Variants in ZDHHC15 observed in about 807,000 individuals in gnomAD.
The protein encoded by ZDHHC15 is zDHHC palmitoyltransferase 15, also known as palmitoyltransferase ZDHHC15.
A neutral mutation model predicts 31.7 loss-of-function variants in ZDHHC15; 19 were observed. The ratio of observed to expected loss-of-function variants is 0.60; its 90% CI spans 0.42 to 0.88. The LOEUF (loss-of-function observed/expected upper bound fraction) is 0.88, where lower values mean the gene tolerates loss of function less well. Among genes scored for constraint, ZDHHC15 ranks in the 40% least tolerant of loss-of-function variants. The pLI is 0.00. For missense variants in ZDHHC15, 209 were observed against 251.2 expected (o/e 0.83, Z 1.14); for synonymous variants, 103 against 90.0 (o/e 1.14, Z -0.82).
intron 4 of ZDHHC15, among the ~76,000 whole-genome samples, chrX:75,442,169 A>G (rs762644203): frequency 2.4e-4 from 27 of 112,146 alleles, no homozygotes; most frequent in Non-Finnish European, 4.9e-4. Context: ...TTGAATCAGT[A>G]GACTGAGTAA....
At chrX:75,496,227 C>G (rs977877866) in intron 2 of ZDHHC15, among the ~76,000 whole-genome samples, 1 of 111,089 alleles carries the variant, frequency 9.0e-6, no homozygotes, top group African/African-American at 3.3e-5. Flanking sequence ...ACAAAACAGA[C>G]TTTAAAGGAA....
At chrX:75,490,801 T>C (rs1261849496) in intron 2 of ZDHHC15, among the ~76,000 whole-genome samples, 1 of 111,889 alleles carries the variant, frequency 8.9e-6, no homozygotes, top group African/African-American at 3.3e-5. Context: ...TTGTCTGTTA[T>C]TGGTGTATAA....
chrX:75,387,565 G>C (rs1239126599), intron 10 of ZDHHC15, among the ~76,000 whole-genome samples: 2 of 111,416 alleles, frequency 1.8e-5, no homozygotes, highest in Non-Finnish European at 3.8e-5. Flanking sequence ...ACAAAATGGA[G>C]CTGAAGAAAG....
chrX:75,376,799 G>A (rs2083064332), intron 11 of ZDHHC15, among the ~76,000 whole-genome samples: 1 of 111,623 alleles, frequency 9.0e-6, no homozygotes, highest in African/African-American at 3.3e-5. Context: ...TATTTTTCAA[G>A]TTTGTCTTTT....
intron 10 of ZDHHC15, among the ~76,000 whole-genome samples, chrX:75,399,215 C>T (rs1407657188): frequency 1.8e-5 from 2 of 111,389 alleles, no homozygotes; most frequent in Non-Finnish European, 3.8e-5. Context: ...CAGCCACCCC[C>T]CACCAGAGCT....
At chrX:75,513,030 C>A (rs1338216855) in intron 1 of ZDHHC15, among the ~76,000 whole-genome samples, 2 of 101,374 alleles carry the variant, frequency 2.0e-5, no homozygotes, top group Non-Finnish European at 4.0e-5. Flanking sequence ...GAAAAACAAG[C>A]AATGGGGAAA....
chrX:75,399,789 G>A (rs1036714391), intron 10 of ZDHHC15, among the ~76,000 whole-genome samples: 2 of 111,162 alleles, frequency 1.8e-5, no homozygotes, highest in Admixed American at 1.9e-4. Flanking sequence ...ACACAACTGA[G>A]CAAGAGTCTA....
rs1488475819 is a variant in ZDHHC15 at position 75,383,695 on chromosome X, A to G, written c.968-4497T>C. Among the ~76,000 whole-genome samples, 3 of 90,555 alleles carry G rather than the reference A, an allele frequency of 3.3e-5. No homozygotes were observed. In the Admixed American group the frequency reaches 3.7e-4, roughly 11 times the overall value. 78.6% of individuals were successfully genotyped at this position (90,555 alleles called of 115,157 possible). A position where few individuals can be genotyped will look rare whatever the true frequency, so the allele number is the denominator to read the frequency against. ...TTGTTAGGCAGCTTTCCACGTATGTATTTTATCACCCCCACTACCCCAAAT... is the reference window on the plus strand; with the variant it reads ...TTGTTAGGCAGCTTTCCACGTATGTGTTTTATCACCCCCACTACCCCAAAT... On this transcript the variant is annotated intron_variant, in intron 10 of 11. Transcript: ENST00000373367.
chrX:75,499,281 C>T (rs1258658805), intron 2 of ZDHHC15, among the ~76,000 whole-genome samples: 5 of 111,284 alleles, frequency 4.5e-5, no homozygotes, highest in Non-Finnish European at 7.6e-5. Flanking sequence ...ATAAATAGAT[C>T]GGACTTAAAC....
chrX:75,415,895 T>C (rs765413830), intron 10 of ZDHHC15, among the ~76,000 whole-genome samples: 20 of 112,303 alleles, frequency 1.8e-4, no homozygotes, highest in Non-Finnish European at 3.2e-4. Flanking sequence ...CATTGTGAAT[T>C]ATTTCAAACC....
chrX:75,459,146 T>A (rs2084273235), intron 3 of ZDHHC15, among the ~76,000 whole-genome samples: 1 of 110,002 alleles, frequency 9.1e-6, no homozygotes. Context: ...TTGGGTCCGA[T>A]ACACAAAGCT....
At chrX:75,474,653 G>C (rs1350756657) in intron 3 of ZDHHC15, among the ~76,000 whole-genome samples, 4 of 59,440 alleles carry the variant, frequency 6.7e-5, no homozygotes, top group Non-Finnish European at 1.5e-4. Context: ...AAATATTCCT[G>C]ATCATTGAGG....
At chrX:75,425,437 G>T (rs2083701598) in intron 7 of ZDHHC15, among the ~76,000 whole-genome samples, 1 of 111,902 alleles carries the variant, frequency 8.9e-6, no homozygotes, top group Non-Finnish European at 1.9e-5. Context: ...GGTGGCTAAA[G>T]ATTTTTATAG....
chrX:75,416,593 C>A (rs1170315586), intron 10 of ZDHHC15, among the ~76,000 whole-genome samples: 1 of 111,893 alleles, frequency 8.9e-6, no homozygotes, highest in Non-Finnish European at 1.9e-5. Flanking sequence ...TCCTTTGCCC[C>A]TCTTCCTTTT....
At chrX:75,491,558 T>A (rs1240034134) in intron 2 of ZDHHC15, among the ~76,000 whole-genome samples, 1 of 108,484 alleles carries the variant, frequency 9.2e-6, no homozygotes, top group African/African-American at 3.4e-5. Flanking sequence ...CACACCAGCA[T>A]GGCACATGTA....
intron 7 of ZDHHC15, among the ~76,000 whole-genome samples, chrX:75,425,284 A>G: frequency 9.0e-6 from 1 of 111,635 alleles, no homozygotes; most frequent in Admixed American, 9.6e-5. Context: ...CCCATAAGTC[A>G]TAACCTGATT....
At chrX:75,404,581 G>T (rs1331328502) in intron 10 of ZDHHC15, among the ~76,000 whole-genome samples, 5 of 111,670 alleles carry the variant, frequency 4.5e-5, no homozygotes, top group African/African-American at 1.6e-4. Flanking sequence ...ATGAGCAGAT[G>T]CTTCTCAAAA....
intron 3 of ZDHHC15, among the ~76,000 whole-genome samples, chrX:75,468,369 C>T (rs1297995236): frequency 1.8e-5 from 2 of 111,800 alleles, no homozygotes; most frequent in Non-Finnish European, 3.8e-5. Flanking sequence ...CAAGGTTCAT[C>T]CGTGTTGTAC....
At chrX:75,522,742 A>C in intron 1 of ZDHHC15, 147 bp downstream of exon 1, 2 of 781,344 alleles carry the variant, frequency 2.6e-6, no homozygotes, top group South Asian at 6.1e-5. Flanking sequence ...GTGGGAAGCC[A>C]GAGGCTGGGG....
Sources: allele counts gnomAD v4.1 joint callset (sites outside exome capture counted in the v4.1 genomes callset), GRCh38; gene constraint gnomAD v4.1.1; transcripts MANE v1.5; gene names NCBI Gene and HGNC (gene_info 2026-07-23, HGNC 2026-07-21).